The following TMOD2 variants were observed in gnomAD, a reference collection of about 807,000 sequenced individuals.
TMOD2 encodes the protein tropomodulin 2, also known as tropomodulin-2.
Under a neutral mutation model 39.9 loss-of-function variants are expected in TMOD2, and 22 were observed. The ratio of observed to expected loss-of-function variants is 0.55; its 90% CI spans 0.39 to 0.79. TMOD2 has a LOEUF of 0.79. Among genes scored for constraint, TMOD2 ranks in the 30% least tolerant of loss-of-function variants. The probability of loss-of-function intolerance (pLI) is 0.00; values close to 1 mark genes in which losing one functional copy is unlikely to be tolerated. For synonymous variants in TMOD2, 123 were observed against 146.1 expected, an observed-to-expected ratio of 0.84 and a Z score of 1.14; for missense variants, 386 against 413.3, an observed-to-expected ratio of 0.93 and a Z score of 0.57.
chr15:51,753,122 T>G (rs1350247672), intron 1 of TMOD2, among the ~76,000 whole-genome samples: 1 of 152,156 alleles, frequency 6.6e-6, no homozygotes, highest in Non-Finnish European at 1.5e-5. Flanking sequence ...GATGGATCAT[T>G]GTTTGAAAAA....
intron 5 of TMOD2, among the ~76,000 whole-genome samples, chr15:51,778,507 T>TA (rs34176952): frequency 0.42 from 57,899 of 138,646 alleles, 11,776 homozygotes; most frequent in Middle Eastern, 0.46. Context: ...AATTAAAAAT[T>TA]AAAAAAAAAA....
chr15:51,775,262 A>G (rs189426736), intron 4 of TMOD2, among the ~76,000 whole-genome samples: 58 of 152,318 alleles, frequency 3.8e-4, no homozygotes, highest in African/African-American at 1.4e-3. Flanking sequence ...CAGTGTGGTC[A>G]CCATCCAGAG....
chr15:51,795,577 G>C (rs690204), intron 7 of TMOD2, among the ~76,000 whole-genome samples: 2 of 42,078 alleles, frequency 4.8e-5, no homozygotes, highest in African/African-American at 1.4e-4. Flanking sequence ...TTGCTTGCTT[G>C]CTTTCTTTCT....
At chr15:51,792,486 C>T (rs2056018912) in intron 7 of TMOD2, among the ~76,000 whole-genome samples, 1 of 152,084 alleles carries the variant, frequency 6.6e-6, no homozygotes. Flanking sequence ...CTAGAAATAC[C>T]ATTTGACCTA....
At position 51,778,669 on chromosome 15, in the gene TMOD2, T is replaced by TC. The variant is rs1555461834; in HGVS notation, c.493+1652dup. Among the ~76,000 whole-genome samples the TC allele has an allele frequency of 5.3e-3, 608 of 113,746 alleles. 9 individuals are homozygous for TC. Among genetic ancestry groups the TC allele is most frequent in the African/African-American group, 0.018 (583 of 31,806 alleles). The allele number at this position is 113,746 out of a possible 152,430, so 74.6% of individuals were successfully genotyped here. A position where few individuals can be genotyped will look rare whatever the true frequency, so the allele number is the denominator to read the frequency against. On this transcript the variant is annotated intron_variant, in intron 5 of 9. Transcript: ENST00000249700. ...TTTTTTTTTTTTTTTTTTTTTTTTT[T>TC]CTTGAGACAGAGTCTTGCTCTGTCA... is the stretch of plus-strand genomic sequence containing the variant.
intron 8 of TMOD2, among the ~76,000 whole-genome samples, chr15:51,802,545 G>A (rs11631858): frequency 0.38 from 57,614 of 152,042 alleles, 11,088 homozygotes; most frequent in Middle Eastern, 0.44. Flanking sequence ...AGATACTTGG[G>A]AATATAGGTG....
chr15:51,794,470 T>C (rs2056034372), intron 7 of TMOD2, among the ~76,000 whole-genome samples: 1 of 152,166 alleles, frequency 6.6e-6, no homozygotes. Context: ...ATCCCAGCAC[T>C]TTGGGAGGCC....
chr15:51,794,569 G>C (rs567312136), intron 7 of TMOD2, among the ~76,000 whole-genome samples: 102 of 152,158 alleles, frequency 6.7e-4, no homozygotes, highest in Non-Finnish European at 4.4e-5. Flanking sequence ...AGAAAAAAGT[G>C]GTTGTCAATC....
At chr15:51,753,371 G>T (rs1039467042) in intron 1 of TMOD2, among the ~76,000 whole-genome samples, 3 of 152,180 alleles carry the variant, frequency 2.0e-5, no homozygotes, top group Non-Finnish European at 2.9e-5. Flanking sequence ...AAGTTTAGCA[G>T]CATCTACTGC....
chr15:51,773,841 C>A lies in TMOD2; in HGVS notation c.406+7C>A. ...GAACTCTATGATCTTGCAGGTTAGTCCTGAACTCTGGGAACTTTCCTGTCT... is the reference window on the plus strand; with the variant it reads ...GAACTCTATGATCTTGCAGGTTAGTACTGAACTCTGGGAACTTTCCTGTCT... On this transcript the variant is annotated splice_region_variant and intron_variant, in intron 4 of 9. Coordinates refer to ENST00000249700, the MANE Select transcript of TMOD2 (RefSeq NM_014548.4). 6.3e-7 allele frequency: 1 copy of A among 1,596,886 alleles called. No homozygotes were observed. Among genetic ancestry groups the A allele is most frequent in the South Asian group, 1.1e-5 (1 of 87,794 alleles).
At chr15:51,793,180 T>C (rs562427481) in intron 7 of TMOD2, among the ~76,000 whole-genome samples, 47 of 152,230 alleles carry the variant, frequency 3.1e-4, no homozygotes, top group African/African-American at 9.9e-4. Context: ...CTACTGTAAA[T>C]TGAAAATCTT....
At chr15:51,773,160 G>A (rs1052288711) in intron 3 of TMOD2, among the ~76,000 whole-genome samples, 2 of 152,154 alleles carry the variant, frequency 1.3e-5, no homozygotes, top group African/African-American at 4.8e-5. Flanking sequence ...ACACCCAGCA[G>A]CATGACCTGC....
chr15:51,772,406 G>A (rs1467580547), intron 3 of TMOD2, among the ~76,000 whole-genome samples: 1 of 152,182 alleles, frequency 6.6e-6, no homozygotes, highest in Admixed American at 6.5e-5. Flanking sequence ...AATGTCCCTG[G>A]TGCACGTGTG....
chr15:51,789,450 A>G (rs2055994127), intron 7 of TMOD2, among the ~76,000 whole-genome samples: 1 of 152,200 alleles, frequency 6.6e-6, no homozygotes, highest in Non-Finnish European at 1.5e-5. Context: ...AGACAGATCA[A>G]TGAGACAGAA....
intron 7 of TMOD2, among the ~76,000 whole-genome samples, chr15:51,792,107 T>C (rs1049135246): frequency 6.6e-6 from 1 of 152,182 alleles, no homozygotes; most frequent in Non-Finnish European, 1.5e-5. Context: ...ATTTGCAATC[T>C]ATCCATCTGA....
At chr15:51,796,260 C>T (rs975553183) in intron 7 of TMOD2, among the ~76,000 whole-genome samples, 1 of 152,118 alleles carries the variant, frequency 6.6e-6, no homozygotes, top group Admixed American at 6.5e-5. Flanking sequence ...ATTGACTCTG[C>T]CCTCTTGCTC....
At chr15:51,774,055 C>T (rs566781903) in intron 4 of TMOD2, among the ~76,000 whole-genome samples, 1 of 152,276 alleles carries the variant, frequency 6.6e-6, no homozygotes, top group South Asian at 2.1e-4. Context: ...TCACAAAACT[C>T]AAGAGTTACT....
rs1385073897 is a variant in TMOD2 at position 51,812,076 on chromosome 15, A to G, written c.*3622A>G. On this transcript the variant is annotated 3_prime_UTR_variant, in exon 10 of 10. Transcript: ENST00000249700. Reference sequence around the variant, plus strand: ...ATGGGGTATTTGGCTTCATCTGGAAAATTGACTGGAGGGAGATGCTGTCTC... The same window carrying G: ...ATGGGGTATTTGGCTTCATCTGGAAGATTGACTGGAGGGAGATGCTGTCTC... The G allele has an allele frequency of 1.3e-5, 2 of 152,048 alleles. No homozygotes were observed. Among genetic ancestry groups the G allele is most frequent in the African/African-American group, 4.8e-5 (2 of 41,380 alleles). 9.4% of individuals were successfully genotyped at this position (152,048 alleles called of 1,614,324 possible).
intron 1 of TMOD2, among the ~76,000 whole-genome samples, chr15:51,754,506 T>C (rs1305126322): frequency 6.6e-6 from 1 of 152,226 alleles, no homozygotes; most frequent in Non-Finnish European, 1.5e-5. Context: ...ACACTTAATC[T>C]CTTACACGGA....
Sources: gnomAD v4.1 joint callset for allele counts (sites outside exome capture counted in the v4.1 genomes callset) on GRCh38, gnomAD v4.1.1 for gene constraint, MANE v1.5 for transcripts, NCBI Gene and HGNC (gene_info 2026-07-23, HGNC 2026-07-21) for gene names.